MAML3: variants seen among roughly 807,000 people sequenced by gnomAD.
MAML3 encodes the protein mastermind like transcriptional coactivator 3.
A neutral mutation model predicts 101.9 loss-of-function variants in MAML3; 27 were observed. That is an observed-to-expected ratio of 0.27 (90% CI 0.20 to 0.37). The LOEUF (loss-of-function observed/expected upper bound fraction) is 0.37. MAML3 is among the 10% of genes least tolerant of loss of function. MAML3 has a pLI of 1.00. For synonymous variants in MAML3, 501 were observed against 555.9 expected (o/e 0.90, Z 1.39); for missense variants, 1,316 against 1,444.9 (o/e 0.91, Z 1.45).
intron 2 of MAML3, among the ~76,000 whole-genome samples, chr4:139,827,753 C>A (rs1731087622): frequency 6.6e-6 from 1 of 152,124 alleles, no homozygotes; most frequent in South Asian, 2.1e-4. Flanking sequence ...TTACTCTAAG[C>A]CACGATTTAA....
At chr4:139,755,323 C>T (rs148693223) in intron 2 of MAML3, among the ~76,000 whole-genome samples, 5 of 152,350 alleles carry the variant, frequency 3.3e-5, no homozygotes, top group East Asian at 1.9e-4. Flanking sequence ...ACTGTGCCAG[C>T]GCAGCATGGT....
At chr4:140,043,846 G>A (rs570897534) in intron 1 of MAML3, among the ~76,000 whole-genome samples, 6 of 152,138 alleles carry the variant, frequency 3.9e-5, no homozygotes, top group Non-Finnish European at 7.3e-5. Flanking sequence ...GAAAATCAGC[G>A]AATATAAATT....
At position 139,873,810 on chromosome 4, in the gene MAML3, T is replaced by C. The variant is rs914106677; in HGVS notation, c.2079+15547A>G. On this transcript the variant is annotated intron_variant, in intron 2 of 4. Transcript: ENST00000509479. ...ACTTGACAGCTTCACGGTAGCCTTA[T>C]GGAAGAGCCTGAGCCATAACCACCC... 2.6e-5 allele frequency among the ~76,000 whole-genome samples: 4 copies of C among 152,214 alleles called. No homozygotes were observed. The South Asian group carries it at 6.2e-4, about 24-fold the overall frequency.
intron 1 of MAML3, among the ~76,000 whole-genome samples, chr4:140,084,235 C>T (rs982838809): frequency 1.3e-5 from 2 of 152,168 alleles, no homozygotes; most frequent in East Asian, 1.9e-4. Context: ...AGCAAAGGGC[C>T]GATGACTACT....
At chr4:140,113,024 T>TA (rs1364168561) in intron 1 of MAML3, among the ~76,000 whole-genome samples, 2 of 152,216 alleles carry the variant, frequency 1.3e-5, no homozygotes, top group Non-Finnish European at 2.9e-5. Context: ...CTCATGCCTG[T>TA]AATCCCAGCA....
chr4:140,043,681 G>A (rs894671351), intron 1 of MAML3, among the ~76,000 whole-genome samples: 1 of 152,174 alleles, frequency 6.6e-6, no homozygotes, highest in Non-Finnish European at 1.5e-5. Context: ...GGTACACACA[G>A]TATATTTCAA....
intron 1 of MAML3, among the ~76,000 whole-genome samples, chr4:139,974,344 A>T (rs1734291040): frequency 6.6e-6 from 1 of 152,076 alleles, no homozygotes; most frequent in South Asian, 2.1e-4. Context: ...TGACCTTGTG[A>T]TCTGCCCGTC....
intron 1 of MAML3, among the ~76,000 whole-genome samples, chr4:140,051,843 C>A (rs1185547608): frequency 6.6e-6 from 1 of 152,082 alleles, no homozygotes; most frequent in African/African-American, 2.4e-5. Flanking sequence ...ACAGAGCAAG[C>A]TAGTGGAGGC....
intron 1 of MAML3, among the ~76,000 whole-genome samples, chr4:139,980,857 A>G (rs1734431338): frequency 6.6e-6 from 1 of 152,232 alleles, no homozygotes; most frequent in South Asian, 2.1e-4. Context: ...AGCCTCACTC[A>G]GAGAAGTAAA....
intron 1 of MAML3, among the ~76,000 whole-genome samples, chr4:139,987,837 T>A (rs1734577809): frequency 6.6e-6 from 1 of 151,286 alleles, no homozygotes; most frequent in Admixed American, 6.6e-5. Context: ...CTAGCCAACA[T>A]GATGAAACCT....
intron 2 of MAML3, among the ~76,000 whole-genome samples, chr4:139,808,059 C>G (rs1322664452): frequency 1.3e-5 from 2 of 152,238 alleles, no homozygotes; most frequent in South Asian, 2.1e-4. Context: ...TTTCTCTTCT[C>G]TATCCACGGG....
chr4:140,120,003 C>A (rs922352238), intron 1 of MAML3, among the ~76,000 whole-genome samples: 4 of 151,754 alleles, frequency 2.6e-5, no homozygotes, highest in Non-Finnish European at 5.9e-5. Flanking sequence ...TTTGGGAGGC[C>A]GAGGCAGGCG....
At chr4:139,727,087 G>A (rs1284758194) in intron 3 of MAML3, among the ~76,000 whole-genome samples, 4 of 152,042 alleles carry the variant, frequency 2.6e-5, no homozygotes, top group Non-Finnish European at 4.4e-5. Context: ...ACCTCTTAAC[G>A]CCTGTGTTTA....
chr4:140,051,276 CA>C (rs1727262567), intron 1 of MAML3, among the ~76,000 whole-genome samples: 1 of 152,116 alleles, frequency 6.6e-6, no homozygotes, highest in African/African-American at 2.4e-5. Flanking sequence ...TGGTTCAGGC[CA>C]GTCACAATGG....
intron 2 of MAML3, among the ~76,000 whole-genome samples, chr4:139,825,783 G>T (rs1484502091): frequency 6.9e-6 from 1 of 143,990 alleles, no homozygotes; most frequent in Non-Finnish European, 1.5e-5. Flanking sequence ...AAAAAAAGTT[G>T]CACGTTCTTT....
In MAML3 at chr4:139,929,664, ACTAT is replaced by A. The variant is rs148002365; in HGVS notation, c.469-38701_469-38698del. The stretch of plus-strand genomic sequence containing the variant: ...TGGGCAGAGGCTGTGCTTGCCGGAG[ACTAT>A]CTGTCTTTCAGGCTCAAGAAGCAAT... On this transcript the variant is annotated intron_variant, in intron 1 of 4. Coordinates refer to ENST00000509479, the MANE Select transcript of MAML3 (RefSeq NM_018717.5). Among the ~76,000 whole-genome samples the A allele has an allele frequency of 9.8e-5, 15 of 152,332 alleles. No homozygotes were observed. The East Asian group carries it at 2.7e-3, about 27-fold the overall frequency.
At chr4:140,055,295 T>C (rs1488286133) in intron 1 of MAML3, among the ~76,000 whole-genome samples, 2 of 152,174 alleles carry the variant, frequency 1.3e-5, no homozygotes, top group African/African-American at 4.8e-5. Context: ...ATAAAGATGG[T>C]ATTAATTAGT....
chr4:139,814,218 G>T (rs1730855972), intron 2 of MAML3, among the ~76,000 whole-genome samples: 1 of 152,160 alleles, frequency 6.6e-6, no homozygotes, highest in African/African-American at 2.4e-5. Flanking sequence ...AGAGATAACT[G>T]CAGAAACACG....
At chr4:139,749,344 A>G (rs886413706) in intron 2 of MAML3, among the ~76,000 whole-genome samples, 2 of 152,258 alleles carry the variant, frequency 1.3e-5, no homozygotes, top group Non-Finnish European at 2.9e-5. Context: ...AAGCACCATG[A>G]GGCCAAGTTA....
Sources: gnomAD v4.1 joint callset for allele counts (sites outside exome capture counted in the v4.1 genomes callset) on GRCh38, gnomAD v4.1.1 for gene constraint, MANE v1.5 for transcripts, NCBI Gene and HGNC (gene_info 2026-07-23, HGNC 2026-07-21) for gene names.